Variants in KCNJ8 observed in about 807,000 individuals in gnomAD.
KCNJ8 encodes the protein ATP-sensitive inward rectifier potassium channel 8.
Under a neutral mutation model 28.2 loss-of-function variants are expected in KCNJ8, and 13 were observed. That is an observed-to-expected ratio of 0.46 (90% CI 0.30 to 0.73). The LOEUF (loss-of-function observed/expected upper bound fraction) is 0.73. Ranked by LOEUF, KCNJ8 falls within the 30% of genes least tolerant of loss-of-function variation. KCNJ8 has a pLI of 0.07. For synonymous variants in KCNJ8, 188 were observed against 195.9 expected (o/e 0.96, Z 0.34); for missense variants, 284 against 542.6 (o/e 0.52, Z 4.73).
intron 2 of KCNJ8, among the ~76,000 whole-genome samples, chr12:21,772,481 TTATGA>T (rs1436862980): frequency 3.9e-5 from 6 of 152,328 alleles, no homozygotes; most frequent in African/African-American, 9.6e-5. Context: ...TTTGAGATAC[TTATGA>T]TATGAGAAAG....
chr12:21,772,817 G>C (rs1940793024), intron 2 of KCNJ8, among the ~76,000 whole-genome samples: 1 of 152,138 alleles, frequency 6.6e-6, no homozygotes, highest in African/African-American at 2.4e-5. Context: ...AATGTCATGG[G>C]TTAGAAGAGT....
chr12:21,771,838 A>G (rs1591888713), intron 2 of KCNJ8, among the ~76,000 whole-genome samples: 2 of 152,308 alleles, frequency 1.3e-5, no homozygotes, highest in Non-Finnish European at 2.9e-5. Context: ...ATTTGATCTT[A>G]GAGTATCTAT....
At position 21,773,236 on chromosome 12, in the gene KCNJ8, T is replaced by C. The variant is rs1940802889; in HGVS notation, c.374+7A>G. Reference sequence around the variant, plus strand: ...TCAACCCCTGCCTCATCCCACTACATTCTTACCTGACATTAGTCACACACA... The same window carrying C: ...TCAACCCCTGCCTCATCCCACTACACTCTTACCTGACATTAGTCACACACA... On this transcript the variant is annotated splice_region_variant and intron_variant, in intron 2 of 2. Coordinates refer to ENST00000240662, the MANE Select transcript of KCNJ8 (RefSeq NM_004982.4). This position sits in a 1 kb window ranked among gnomAD's most constrained non-coding sequence, Gnocchi z 4.6. 4 of 1,613,000 alleles carry C rather than the reference T, an allele frequency of 2.5e-6. No homozygotes were observed. The East Asian group carries it at 8.9e-5, about 36-fold the overall frequency.
chr12:21,773,718 A>G lies in KCNJ8; in HGVS notation c.-70-32T>C. 2.6e-6 allele frequency: 4 copies of G among 1,521,368 alleles called. No individual in the cohort carries two copies. 94.2% of individuals were successfully genotyped at this position (1,521,368 alleles called of 1,614,324 possible). ...GAGGGAAACATTTATTAAAAACTTA[A>G]AAACCCACCCTATCCTCACCTCTTG... On this transcript the variant is annotated intron_variant, in intron 1 of 2. Transcript: ENST00000240662. The surrounding 1 kb of genome is among the most constrained non-coding windows in gnomAD (Gnocchi z 4.6).
intron 2 of KCNJ8, among the ~76,000 whole-genome samples, chr12:21,771,478 A>C (rs904457751): frequency 3.9e-5 from 6 of 152,236 alleles, no homozygotes; most frequent in Non-Finnish European, 8.8e-5. Flanking sequence ...GACTCCTTGC[A>C]GGAGAAAATA....
rs1205608343 is a variant in KCNJ8 at position 21,765,786 on chromosome 12, G to C, written c.1212C>G (p.Ser404=). The change falls in exon 3 of 3, where the codon TCC becomes TCG. Residue 404 remains serine (S), a synonymous_variant. Coordinates refer to ENST00000240662, the MANE Select transcript of KCNJ8 (RefSeq NM_004982.4). ...RNNSIRRNNS[S]LMVPKVQFMT... is the part of the protein sequence containing the mutation. ...TAAATTGCACCTTTGGTACCATGAG[G>C]GAAGAATTGTTCCTTCGGATAGAAT... 1 of 1,613,974 alleles carries C rather than the reference G, an allele frequency of 6.2e-7. No homozygotes were observed. The highest frequency in any genetic ancestry group is 1.7e-5 in the Admixed American group (1 of 59,998).
At chr12:21,770,026 AAAG>A (rs1940721320) in intron 2 of KCNJ8, among the ~76,000 whole-genome samples, 1 of 152,254 alleles carries the variant, frequency 6.6e-6, no homozygotes, top group South Asian at 2.1e-4. Flanking sequence ...TCCAGTTTTG[AAAG>A]AAGTTCTACT....
At position 21,772,411 on chromosome 12, in the gene KCNJ8, A is replaced by G. The variant is rs151001944; in HGVS notation, c.374+832T>C. 7.2e-4 allele frequency among the ~76,000 whole-genome samples: 110 copies of G among 152,302 alleles called. No individual in the cohort carries two copies. In the East Asian group the frequency reaches 0.016, roughly 22 times the overall value. ...AAAAAACAAAGAAATCACCTCAACT[A>G]AATGTTCTTAAACCATGTGAAAGCA... is the stretch of plus-strand genomic sequence containing the variant. On this transcript the variant is annotated intron_variant, in intron 2 of 2. Transcript: ENST00000240662.
chr12:21,766,377 G>A lies in KCNJ8; in HGVS notation c.621C>T (p.Cys207=). 1 of 1,614,208 alleles carries A rather than the reference G, an allele frequency of 6.2e-7. No individual in the cohort carries two copies. Among genetic ancestry groups the A allele is most frequent in the East Asian group, 2.2e-5 (1 of 44,878 alleles). The change falls in exon 3 of 3, where the codon TGC becomes TGT. Residue 207 remains cysteine, a synonymous_variant. Coordinates refer to ENST00000240662, the MANE Select transcript of KCNJ8 (RefSeq NM_004982.4). The surrounding 1 kb of genome is among the most constrained non-coding windows in gnomAD (Gnocchi z 6.5). ...TCAGGTCACCCACTCGGAACATGAA[G>A]CACAGCTTGCCATTTCGGACGGCAA... The part of the protein sequence containing the change: ...AVIAVRNGKL[C]FMFRVGDLRK...
chr12:21,774,419 G>A (rs1472832675), intron 1 of KCNJ8, 127 bp downstream of exon 1: 1 of 151,344 alleles, frequency 6.6e-6, no homozygotes. Flanking sequence ...GCGGGTTGCA[G>A]TAGGGAGTGT....
In KCNJ8 at chr12:21,773,265, T is replaced by C. The variant is rs761526890; in HGVS notation, c.352A>G (p.Thr118Ala). 15 of 1,613,660 alleles carry C rather than the reference T, an allele frequency of 9.3e-6. No homozygotes were observed. In the East Asian group the frequency reaches 2.2e-4, roughly 24 times the overall value. Reference protein sequence around the residue: ...SGMEKSGLESTVCVTNVRSFT... With the variant: ...SGMEKSGLESAVCVTNVRSFT... ...TACCTGACATTAGTCACACACACAG[T>C]GGACTCCAAACCACTTTTCTCCATT... Residue 118 changes from threonine (T) to alanine (A), a missense_variant, in exon 2 of 3, where the codon ACT (threonine) becomes GCT (alanine). Transcript: ENST00000240662. The surrounding 1 kb of genome is among the most constrained non-coding windows in gnomAD (Gnocchi z 4.6).
chr12:21,772,309 GTAT>G (rs1393871858), intron 2 of KCNJ8, among the ~76,000 whole-genome samples: 1 of 152,100 alleles, frequency 6.6e-6, no homozygotes, highest in African/African-American at 2.4e-5. Context: ...AAATTTTCCA[GTAT>G]TATTACTACT....
chr12:21,768,041 C>G (rs771743996), intron 2 of KCNJ8, among the ~76,000 whole-genome samples: 11 of 151,702 alleles, frequency 7.3e-5, no homozygotes, highest in Non-Finnish European at 2.9e-5. Context: ...GAAGACAATA[C>G]TGGGGGGTGT....
chr12:21,769,729 A>G lies in KCNJ8; in HGVS notation c.375-3106T>C, dbSNP rs572882965. Among the ~76,000 whole-genome samples, 3 of 152,304 alleles carry G rather than the reference A, an allele frequency of 2.0e-5. No homozygotes were observed. In the South Asian group the frequency reaches 6.2e-4, roughly 32 times the overall value. ...ATTCTAATTCTCATGAATGAGTTTG[A>G]GGGGTTCAATACTTCAGTGGAGGGA... On this transcript the variant is annotated intron_variant, in intron 2 of 2. Transcript: ENST00000240662.
At chr12:21,774,243 ATTATT>A (rs1940834264) in intron 1 of KCNJ8, among the ~76,000 whole-genome samples, 1 of 152,172 alleles carries the variant, frequency 6.6e-6, no homozygotes, top group African/African-American at 2.4e-5. Context: ...AGTTATAAGA[ATTATT>A]TTAAATGCGA....
At chr12:21,774,128 T>C (rs1940831627) in intron 1 of KCNJ8, among the ~76,000 whole-genome samples, 2 of 152,144 alleles carry the variant, frequency 1.3e-5, no homozygotes, top group African/African-American at 2.4e-5. Flanking sequence ...AGAAAATTCT[T>C]CCTCCGTTAT....
At chr12:21,771,764 G>A (rs938897138) in intron 2 of KCNJ8, among the ~76,000 whole-genome samples, 1 of 152,018 alleles carries the variant, frequency 6.6e-6, no homozygotes, top group Non-Finnish European at 1.5e-5. Context: ...ATTTTGATAT[G>A]AAAATGATTC....
At chr12:21,774,329 AC>A (rs1169282651) in intron 1 of KCNJ8, among the ~76,000 whole-genome samples, 5 of 147,452 alleles carry the variant, frequency 3.4e-5, no homozygotes, top group African/African-American at 1.3e-4. Context: ...TAAATTGAAA[AC>A]TTTTTTTTTT....
Position 21,766,283 on chromosome 12 carries a change from C to A in KCNJ8, c.715G>T (p.Glu239Ter). 1 of 1,614,130 alleles carries A rather than the reference C, an allele frequency of 6.2e-7. No homozygotes were observed. The highest frequency in any genetic ancestry group is 8.5e-7 in the Non-Finnish European group (1 of 1,180,024). ...VVKKTTTPEG[E>*]VVPIHQLDIP... ...TCCAGTTGGTGAATAGGAACCACCT[C>A]CCCTTCAGGTGTAGTTGTTTTCTTG... Residue 239 changes from glutamate (E) to a stop codon, truncating the protein, a stop_gained, in exon 3 of 3, where the codon GAG becomes TAG. Transcript: ENST00000240662. LOFTEE classifies it high-confidence loss of function. This position sits in a 1 kb window ranked among gnomAD's most constrained non-coding sequence, Gnocchi z 6.5.
Sources: gnomAD v4.1 joint callset for allele counts (sites outside exome capture counted in the v4.1 genomes callset) on GRCh38, gnomAD v4.1.1 for gene constraint, Gnocchi (gnomAD v3.1) non-coding constraint, MANE v1.5 for transcripts, NCBI Gene and HGNC (gene_info 2026-07-23, HGNC 2026-07-21) for gene names.